NRXN1: variants seen among roughly 807,000 people sequenced by gnomAD.
NRXN1 encodes the protein neurexin 1, also known as neurexin-1.
In NRXN1, 39 loss-of-function variants were observed where a neutral mutation model predicts 150.9. That is an observed-to-expected ratio of 0.26 (90% CI 0.20 to 0.34). The LOEUF is 0.34. NRXN1 is among the 10% of genes least tolerant of loss of function. The pLI, the probability that NRXN1 is intolerant of heterozygous loss-of-function variation, is 1.00. For missense variants in NRXN1, 1,815 were observed against 1,949.9 expected (o/e 0.93, Z 1.30); for synonymous variants, 924 against 757.0 (o/e 1.22, Z -3.62).
chr2:50,555,173 G>T (rs866191533), intron 8 of NRXN1, among the ~76,000 whole-genome samples: 7 of 151,998 alleles, frequency 4.6e-5, no homozygotes, highest in African/African-American at 1.7e-4. Flanking sequence ...TTTTGACATA[G>T]ATATTGATCA....
intron 5 of NRXN1, among the ~76,000 whole-genome samples, chr2:50,677,534 A>G (rs1393893647): frequency 6.6e-6 from 1 of 152,126 alleles, no homozygotes; most frequent in Non-Finnish European, 1.5e-5. Context: ...GGCCTAATTC[A>G]GTTACACAGC....
chr2:50,680,630 G>A (rs1574077066), intron 5 of NRXN1, among the ~76,000 whole-genome samples: 1 of 152,052 alleles, frequency 6.6e-6, no homozygotes, highest in East Asian at 1.9e-4. Flanking sequence ...ATGTAACCAA[G>A]AATATTACAC....
intron 18 of NRXN1, among the ~76,000 whole-genome samples, chr2:50,101,536 G>C (rs767236426): frequency 6.6e-6 from 1 of 151,942 alleles, no homozygotes; most frequent in Non-Finnish European, 1.5e-5. Context: ...CAGACAAATA[G>C]ACAGAACATC....
chr2:50,183,699 G>C (rs2060885585), intron 18 of NRXN1, among the ~76,000 whole-genome samples: 1 of 149,502 alleles, frequency 6.7e-6, no homozygotes, highest in South Asian at 2.1e-4. Context: ...GCAAAGACCA[G>C]GGATGCTGCT....
intron 5 of NRXN1, among the ~76,000 whole-genome samples, chr2:50,743,876 ATGAAAATTAATGG>A (rs1209183010): frequency 2.0e-5 from 3 of 152,206 alleles, no homozygotes; most frequent in African/African-American, 7.2e-5. Flanking sequence ...TTGTGACAAA[ATGAAAATTAATGG>A]AAACAGAAAG....
chr2:50,252,982 A>C (rs946837470), intron 17 of NRXN1, among the ~76,000 whole-genome samples: 1 of 152,152 alleles, frequency 6.6e-6, no homozygotes, highest in Non-Finnish European at 1.5e-5. Context: ...ATAGTATTTA[A>C]ACTATAAATT....
intron 10 of NRXN1, among the ~76,000 whole-genome samples, chr2:50,533,362 C>A (rs1023741454): frequency 2.6e-5 from 4 of 152,140 alleles, no homozygotes; most frequent in Non-Finnish European, 4.4e-5. Flanking sequence ...TTATTAAACT[C>A]TTGATTTACT....
At chr2:50,773,025 A>T (rs968333050) in intron 5 of NRXN1, among the ~76,000 whole-genome samples, 1 of 152,142 alleles carries the variant, frequency 6.6e-6, no homozygotes, top group African/African-American at 2.4e-5. Context: ...GGTTCTTGCT[A>T]AAATGTTATT....
chr2:50,714,595 G>A (rs918866962), intron 5 of NRXN1, among the ~76,000 whole-genome samples: 2 of 152,110 alleles, frequency 1.3e-5, no homozygotes, highest in Non-Finnish European at 1.5e-5. Context: ...ATAGCACCAA[G>A]TACAATGAAC....
intron 5 of NRXN1, among the ~76,000 whole-genome samples, chr2:50,744,562 A>G (rs1377350408): frequency 6.6e-6 from 1 of 152,178 alleles, no homozygotes; most frequent in African/African-American, 2.4e-5. Flanking sequence ...ACCCATATAC[A>G]TATAAATGGT....
intron 8 of NRXN1, among the ~76,000 whole-genome samples, chr2:50,573,801 T>C (rs989538574): frequency 2.6e-5 from 4 of 151,730 alleles, no homozygotes; most frequent in African/African-American, 9.7e-5. Context: ...AACAATGCAC[T>C]GTAACAACTA....
chr2:50,675,360 G>A (rs897874904), intron 5 of NRXN1, among the ~76,000 whole-genome samples: 1 of 152,100 alleles, frequency 6.6e-6, no homozygotes, highest in Non-Finnish European at 1.5e-5. Flanking sequence ...ATTTTGGGCT[G>A]CTAGTCAATA....
rs1432213997 is a variant in NRXN1 at position 50,236,979 on chromosome 2, C to T, written c.3365-9G>A. 1.2e-6 allele frequency: 2 copies of T among 1,612,640 alleles called. No homozygotes were observed. The highest frequency in any genetic ancestry group is 1.7e-6 in the Non-Finnish European group (2 of 1,179,344). ...GATATATGTCGTCCCAGCTGGAAAA[C>T]AAAAACCAAAACCAATTAGTCCAAA... On this transcript the variant is annotated splice_polypyrimidine_tract_variant and intron_variant, in intron 17 of 22. Coordinates refer to ENST00000401669, the MANE Select transcript of NRXN1 (RefSeq NM_001330078.2).
intron 7 of NRXN1, 92 bp from the exon 8 acceptor site, chr2:50,620,275 TTTTTG>T (rs1417060843): frequency 4.3e-6 from 6 of 1,409,692 alleles, no homozygotes; most frequent in Middle Eastern, 1.8e-4. Flanking sequence ...TGCTTTTGTT[TTTTTG>T]TTTTGTTTTG....
chr2:50,359,377 T>C (rs1364293843), intron 17 of NRXN1, among the ~76,000 whole-genome samples: 5 of 151,306 alleles, frequency 3.3e-5, no homozygotes, highest in Non-Finnish European at 7.4e-5. Context: ...GGTAGACAAA[T>C]TGCTAATTAG....
chr2:51,012,376 G>A (rs1190839411), intron 2 of NRXN1, among the ~76,000 whole-genome samples: 6 of 152,002 alleles, frequency 3.9e-5, no homozygotes, highest in African/African-American at 7.2e-5. Context: ...TTTGTAAAAG[G>A]AGCCATATGT....
At chr2:50,894,024 C>T (rs1284564956) in intron 5 of NRXN1, among the ~76,000 whole-genome samples, 1 of 151,720 alleles carries the variant, frequency 6.6e-6, no homozygotes, top group Non-Finnish European at 1.5e-5. Flanking sequence ...TGGGTTGGTT[C>T]CAAGTCTTTG....
intron 8 of NRXN1, among the ~76,000 whole-genome samples, chr2:50,596,584 A>C (rs1367219203): frequency 6.6e-6 from 1 of 152,226 alleles, no homozygotes; most frequent in African/African-American, 2.4e-5. Flanking sequence ...GTGTCTAGAC[A>C]GTGATACTGT....
intron 18 of NRXN1, among the ~76,000 whole-genome samples, chr2:50,178,676 C>T (rs2060503438): frequency 2.0e-5 from 3 of 152,048 alleles, no homozygotes; most frequent in Admixed American, 2.0e-4. Context: ...ATAAGGTAAA[C>T]AAGCTATGAG....
Sources: gnomAD v4.1 joint callset for allele counts (sites outside exome capture counted in the v4.1 genomes callset) on GRCh38, gnomAD v4.1.1 for gene constraint, MANE v1.5 for transcripts, NCBI Gene and HGNC (gene_info 2026-07-23, HGNC 2026-07-21) for gene names.